The following EXOC1 variants were observed in gnomAD, a reference collection of about 807,000 sequenced individuals.
EXOC1 encodes the protein SEC3-like 1.
EXOC1 carries 67 observed loss-of-function variants against 107.7 expected under a neutral mutation model. The ratio of observed to expected loss-of-function variants is 0.62; its 90% CI spans 0.51 to 0.76. EXOC1 has a LOEUF of 0.76. Among genes scored for constraint, EXOC1 ranks in the 30% least tolerant of loss-of-function variants. The probability of loss-of-function intolerance (pLI) is 0.00; values close to 1 mark genes in which losing one functional copy is unlikely to be tolerated. For missense variants in EXOC1, 833 were observed against 1,055.7 expected (o/e 0.79, Z 2.92); for synonymous variants, 348 against 353.5 (o/e 0.98, Z 0.17).
chr4:55,873,745 C>A (rs1357056014), intron 8 of EXOC1, among the ~76,000 whole-genome samples: 2 of 152,122 alleles, frequency 1.3e-5, no homozygotes, highest in Non-Finnish European at 2.9e-5. Context: ...GAAAGATTTT[C>A]TTAGTGTTGC....
At chr4:55,898,566 A>G (rs1312087482) in intron 16 of EXOC1, among the ~76,000 whole-genome samples, 1 of 152,230 alleles carries the variant, frequency 6.6e-6, no homozygotes, top group African/African-American at 2.4e-5. Flanking sequence ...TCAAATCAAG[A>G]AGAAAGTAAA....
At chr4:55,879,986 G>A (rs1209871460) in intron 9 of EXOC1, among the ~76,000 whole-genome samples, 3 of 151,986 alleles carry the variant, frequency 2.0e-5, no homozygotes, top group Non-Finnish European at 4.4e-5. Flanking sequence ...GAGAATATTG[G>A]AATTGCTAAT....
At chr4:55,877,283 A>G (rs544903673) in intron 8 of EXOC1, 3 of 985,382 alleles carry the variant, frequency 3.0e-6, no homozygotes, top group African/African-American at 3.5e-5. Flanking sequence ...AATGCTGACA[A>G]ATAACTTCTG....
intron 9 of EXOC1, chr4:55,882,650 T>G (rs1723516496): frequency 6.6e-6 from 1 of 152,196 alleles, no homozygotes; most frequent in Non-Finnish European, 1.5e-5. Context: ...TATATTATGT[T>G]TGGTCCAAAT....
At chr4:55,903,408 T>G (rs904289312) in intron 18 of EXOC1, among the ~76,000 whole-genome samples, 7 of 152,146 alleles carry the variant, frequency 4.6e-5, no homozygotes, top group Non-Finnish European at 8.8e-5. Flanking sequence ...GAAAGTCAGA[T>G]GTACTTGAAC....
chr4:55,890,075 C>A, intron 11 of EXOC1, 148 bp from the exon 12 acceptor site: 10 of 627,978 alleles, frequency 1.6e-5, no homozygotes, highest in African/African-American at 3.7e-5. Flanking sequence ...GGAAACTATA[C>A]CACCTATCCC....
At chr4:55,876,135 A>G (rs1332711102) in intron 8 of EXOC1, 19 of 985,108 alleles carry the variant, frequency 1.9e-5, no homozygotes, top group Non-Finnish European at 2.2e-5. Context: ...ACTTAATATT[A>G]TTGATTTTGT....
intron 17 of EXOC1, among the ~76,000 whole-genome samples, chr4:55,901,189 C>T (rs1268262799): frequency 2.0e-5 from 3 of 152,094 alleles, no homozygotes; most frequent in South Asian, 2.1e-4. Context: ...AAAACAGAGA[C>T]GAGATTATCA....
chr4:55,870,806 T>C lies in EXOC1; in HGVS notation c.732T>C (p.Ser244=), dbSNP rs1421908452. The change falls in exon 6 of 19, where the codon AGT becomes AGC. Residue 244 remains serine, a synonymous_variant. Coordinates refer to ENST00000381295, the MANE Select transcript of EXOC1 (RefSeq NM_001024924.2). ...GCAGTTATGAGGAAATGCTCCAAAG[T>C]GTAAAAGAACAAATGGATCAGATCT... ...KLSSYEEMLQ[S]VKEQMDQISE... is the part of the protein sequence containing the mutation. 1.2e-6 allele frequency: 2 copies of C among 1,613,838 alleles called. No individual in the cohort carries two copies. Among genetic ancestry groups the C allele is most frequent in the Non-Finnish European group, 8.5e-7 (1 of 1,179,902 alleles).
At position 55,878,027 on chromosome 4, in the gene EXOC1, A is replaced by G. The variant is rs1398096676; in HGVS notation, c.1185A>G (p.Leu395=). 5.6e-6 allele frequency: 9 copies of G among 1,613,818 alleles called. No homozygotes were observed. The East Asian group carries it at 8.9e-5, about 16-fold the overall frequency. ...LLRYAKLMEW[L]KSTDYGKYEG... is the part of the protein sequence containing the mutation. ...GATATGCCAAGCTGATGGAGTGGCT[A>G]AAGAGTACAGATTATGGAAAATATG... The change falls in exon 9 of 19, where the codon CTA becomes CTG. Residue 395 remains leucine (L), a synonymous_variant. Coordinates refer to ENST00000381295, the MANE Select transcript of EXOC1 (RefSeq NM_001024924.2).
intron 17 of EXOC1, among the ~76,000 whole-genome samples, chr4:55,901,903 C>CA (rs1174785934): frequency 6.6e-6 from 1 of 151,192 alleles, no homozygotes; most frequent in Non-Finnish European, 1.5e-5. Context: ...TACTTATATA[C>CA]AAAAAAAATT....
intron 10 of EXOC1, among the ~76,000 whole-genome samples, chr4:55,887,699 CT>C (rs1183526276): frequency 4.0e-5 from 6 of 150,556 alleles, no homozygotes; most frequent in Admixed American, 4.0e-4. Flanking sequence ...CAGGTCCAGC[CT>C]TGTCAACCTA....
At chr4:55,858,211 C>T in intron 1 of EXOC1, 103 bp from the exon 2 acceptor site, 1 of 1,187,336 alleles carries the variant, frequency 8.4e-7, no homozygotes, top group Non-Finnish European at 1.1e-6. Context: ...AATCATTTTT[C>T]CTAGGCTTGT....
chr4:55,872,394 C>CTG (rs34926396), intron 8 of EXOC1, among the ~76,000 whole-genome samples: 87,853 of 151,554 alleles, frequency 0.58, 25,675 homozygotes, highest in East Asian at 0.66. Context: ...AAGAAAATGA[C>CTG]TAGCTCAACT....
chr4:55,877,536 T>A, intron 8 of EXOC1: 4 of 985,276 alleles, frequency 4.1e-6, no homozygotes, highest in African/African-American at 3.5e-5. Context: ...TTTTGAATGA[T>A]TTCTCTATTT....
intron 15 of EXOC1, 66 bp from the exon 16 acceptor site, chr4:55,896,651 T>C (rs901832111): frequency 1.4e-5 from 18 of 1,287,896 alleles, no homozygotes; most frequent in Middle Eastern, 5.6e-4. Flanking sequence ...ATATATTTTG[T>C]TATGATTATA....
chr4:55,876,903 G>A (rs773753744), intron 8 of EXOC1: 1 of 985,060 alleles, frequency 1.0e-6, no homozygotes. Flanking sequence ...TATGAAGAAG[G>A]GACATGGATA....
rs537110655 is a variant in EXOC1 at position 55,877,275 on chromosome 4, T to G, written c.1075-642T>G. On this transcript the variant is annotated intron_variant, in intron 8 of 18. Coordinates refer to ENST00000381295, the MANE Select transcript of EXOC1 (RefSeq NM_001024924.2). ...TAATTTTAATACAGTTTTCACAAAATGCTGACAAATAACTTCTGGCTATCT... is the reference window on the plus strand; with the variant it reads ...TAATTTTAATACAGTTTTCACAAAAGGCTGACAAATAACTTCTGGCTATCT... 32 of 985,370 alleles carry G rather than the reference T, an allele frequency of 3.2e-5. No individual in the cohort carries two copies. The South Asian group carries it at 1.2e-3, about 38-fold the overall frequency. The allele number at this position is 985,370 out of a possible 1,614,324, so 61.0% of individuals were successfully genotyped here.
In EXOC1 at chr4:55,864,364, T is replaced by C; in HGVS notation, c.393T>C (p.Asn131=). ...RYLRKKIDFV[N]VSSQLLEESV... ...TCCGGAAGAAAATTGATTTTGTCAA[T>C]GTTAGCTCACAGCTTTTGGAAGGTA... The change falls in exon 4 of 19, where the codon AAT becomes AAC. Residue 131 remains asparagine (N), a synonymous_variant. Transcript: ENST00000381295. The C allele has an allele frequency of 1.9e-6, 3 of 1,608,454 alleles. No homozygotes were observed. Among genetic ancestry groups the C allele is most frequent in the Non-Finnish European group, 2.5e-6 (3 of 1,178,142 alleles).
Sources: gnomAD v4.1 joint callset for allele counts (sites outside exome capture counted in the v4.1 genomes callset) on GRCh38, gnomAD v4.1.1 for gene constraint, MANE v1.5 for transcripts, NCBI Gene and HGNC (gene_info 2026-07-23, HGNC 2026-07-21) for gene names.